The following ADAMTSL3 variants were observed in gnomAD, a reference collection of about 807,000 sequenced individuals.
ADAMTSL3 encodes ADAMTS like 3.
ADAMTSL3 carries 128 observed loss-of-function variants against 201.7 expected under a neutral mutation model. The ratio of observed to expected loss-of-function variants is 0.63; its 90% CI spans 0.55 to 0.73. The LOEUF (loss-of-function observed/expected upper bound fraction) is 0.73. Among genes scored for constraint, ADAMTSL3 ranks in the 30% least tolerant of loss-of-function variants. The pLI is 0.00. For missense variants in ADAMTSL3, 1,990 were observed against 2,119.6 expected (o/e 0.94, Z 1.20); for synonymous variants, 738 against 748.4 (o/e 0.99, Z 0.23).
At chr15:83,754,408 G>A (rs1336641688) in intron 3 of ADAMTSL3, among the ~76,000 whole-genome samples, 1 of 152,064 alleles carries the variant, frequency 6.6e-6, no homozygotes, top group African/African-American at 2.4e-5. Context: ...ACCGGAGAGA[G>A]CTGAATTTGG....
In ADAMTSL3 at chr15:84,037,893, A is replaced by G; in HGVS notation, c.*87A>G. On this transcript the variant is annotated 3_prime_UTR_variant, in exon 30 of 30. Transcript: ENST00000286744. ...CCATGTCGCTGATTCAAAAACATGT[A>G]TTTCTTAAAAGACTAGATTCTATGG... 1 of 1,493,280 alleles carries G rather than the reference A, an allele frequency of 6.7e-7. No homozygotes were observed. Among genetic ancestry groups the G allele is most frequent in the Admixed American group, 2.6e-5 (1 of 38,926 alleles). 92.5% of individuals were successfully genotyped at this position (1,493,280 alleles called of 1,614,324 possible).
intron 2 of ADAMTSL3, among the ~76,000 whole-genome samples, chr15:83,667,156 A>G (rs2061258357): frequency 6.6e-6 from 1 of 152,118 alleles, no homozygotes; most frequent in African/African-American, 2.4e-5. Flanking sequence ...ATTATCACCT[A>G]GTCTTATATT....
At chr15:83,819,757 T>C (rs2063829054) in intron 5 of ADAMTSL3, 54 bp from the exon 6 acceptor site, 2 of 1,414,560 alleles carry the variant, frequency 1.4e-6, no homozygotes, top group South Asian at 1.2e-5. Context: ...TTTCATCTTC[T>C]CTTGGCCTCT....
chr15:83,837,220 A>G (rs1311722242), intron 6 of ADAMTSL3, among the ~76,000 whole-genome samples: 1 of 152,006 alleles, frequency 6.6e-6, no homozygotes, highest in Non-Finnish European at 1.5e-5. Context: ...GTGGAGATAC[A>G]TAGGCATAGG....
At chr15:83,679,170 G>A (rs897275625) in intron 2 of ADAMTSL3, among the ~76,000 whole-genome samples, 1 of 151,800 alleles carries the variant, frequency 6.6e-6, no homozygotes, top group African/African-American at 2.4e-5. Context: ...TTTCAGTTCT[G>A]TAATTTCTAT....
chr15:83,654,973 G>A lies in ADAMTSL3; in HGVS notation c.-34+697G>A, dbSNP rs59144084. ...GGACACCAGCTCCGCCAAGGCGCCC[G>A]CGAGGCGAAGCGGGAGTCGAGTGTG... On this transcript the variant is annotated intron_variant, in intron 1 of 29. Transcript: ENST00000286744. This position sits in a 1 kb window ranked among gnomAD's most constrained non-coding sequence, Gnocchi z 5.3. Among the ~76,000 whole-genome samples, 13 of 151,624 alleles carry A rather than the reference G, an allele frequency of 8.6e-5. No homozygotes were observed. The highest frequency in any genetic ancestry group is 2.6e-4 in the African/African-American group (11 of 41,524).
chr15:83,818,064 GA>G (rs899132046), intron 5 of ADAMTSL3, among the ~76,000 whole-genome samples: 6 of 151,318 alleles, frequency 4.0e-5, no homozygotes, highest in Admixed American at 6.6e-5. Context: ...CTTCTGATTG[GA>G]AAAAAAACTA....
At chr15:83,678,581 G>A (rs1315999553) in intron 2 of ADAMTSL3, among the ~76,000 whole-genome samples, 1 of 150,970 alleles carries the variant, frequency 6.6e-6, no homozygotes, top group Admixed American at 6.6e-5. Flanking sequence ...CCTTAGATTT[G>A]AAATGTTTAA....
At chr15:84,031,790 C>T (rs1356384036) in intron 28 of ADAMTSL3, among the ~76,000 whole-genome samples, 3 of 152,150 alleles carry the variant, frequency 2.0e-5, no homozygotes, top group Non-Finnish European at 4.4e-5. Flanking sequence ...CTTCTTAATG[C>T]TTTTAATGAA....
At chr15:83,880,539 C>T (rs138889930) in intron 9 of ADAMTSL3, among the ~76,000 whole-genome samples, 3 of 152,288 alleles carry the variant, frequency 2.0e-5, no homozygotes, top group Admixed American at 1.3e-4. Context: ...AAATACTTGC[C>T]AAAGTCTATT....
chr15:83,763,178 A>G lies in ADAMTSL3; in HGVS notation c.190-10345A>G, dbSNP rs144001116. On this transcript the variant is annotated intron_variant, in intron 3 of 29. Coordinates refer to ENST00000286744, the MANE Select transcript of ADAMTSL3 (RefSeq NM_207517.3). Reference sequence around the variant, plus strand: ...AGTGTTGGGATTACAGGCATGAGCCACCACACCTGGACTTGATTTACTTTC... The same window carrying G: ...AGTGTTGGGATTACAGGCATGAGCCGCCACACCTGGACTTGATTTACTTTC... 7.2e-5 allele frequency among the ~76,000 whole-genome samples: 11 copies of G among 152,308 alleles called. No individual in the cohort carries two copies. The East Asian group carries it at 2.1e-3, about 29-fold the overall frequency.
intron 13 of ADAMTSL3, among the ~76,000 whole-genome samples, chr15:83,895,007 G>A (rs570339388): frequency 1.4e-4 from 22 of 152,176 alleles, no homozygotes; most frequent in African/African-American, 5.1e-4. Context: ...TGATTTTATT[G>A]TTAATTTTTT....
At chr15:83,999,113 C>G (rs78610610) in intron 23 of ADAMTSL3, among the ~76,000 whole-genome samples, 1 of 152,198 alleles carries the variant, frequency 6.6e-6, no homozygotes, top group East Asian at 1.9e-4. Flanking sequence ...GTCAAAGACA[C>G]AACCATTATT....
chr15:83,663,685 A>G (rs952583661), intron 2 of ADAMTSL3, among the ~76,000 whole-genome samples: 7 of 152,148 alleles, frequency 4.6e-5, no homozygotes, highest in African/African-American at 1.7e-4. Context: ...TTGTCCCCCA[A>G]GTGATTTTGG....
At chr15:83,831,768 C>G (rs1490521811) in intron 6 of ADAMTSL3, among the ~76,000 whole-genome samples, 1 of 152,180 alleles carries the variant, frequency 6.6e-6, no homozygotes, top group Non-Finnish European at 1.5e-5. Context: ...ACTTCAATTC[C>G]CCACAACTCT....
chr15:83,984,520 G>A (rs2067441318), intron 21 of ADAMTSL3, among the ~76,000 whole-genome samples: 1 of 152,174 alleles, frequency 6.6e-6, no homozygotes, highest in African/African-American at 2.4e-5. Context: ...GCAGTTCTCA[G>A]AGCTTTTGGT....
chr15:83,951,199 TCC>T (rs2066751472), intron 19 of ADAMTSL3, among the ~76,000 whole-genome samples: 1 of 127,440 alleles, frequency 7.8e-6, no homozygotes, highest in Admixed American at 8.8e-5. Flanking sequence ...TCTTCTATAC[TCC>T]TTTTTTTTAG....
chr15:83,731,132 G>C (rs1041673722), intron 3 of ADAMTSL3, among the ~76,000 whole-genome samples: 2 of 151,978 alleles, frequency 1.3e-5, no homozygotes, highest in African/African-American at 4.8e-5. Flanking sequence ...ATTGGTTTAT[G>C]TGTTTGTTTT....
intron 4 of ADAMTSL3, 124 bp downstream of exon 4, chr15:83,773,774 T>G: frequency 7.6e-7 from 1 of 1,308,632 alleles, no homozygotes; most frequent in Non-Finnish European, 1.0e-6. Flanking sequence ...GTTTGCTTTG[T>G]CTAAATATTA....
Sources: allele counts gnomAD v4.1 joint callset (sites outside exome capture counted in the v4.1 genomes callset), GRCh38; gene constraint gnomAD v4.1.1; non-coding constraint Gnocchi (gnomAD v3.1); transcripts MANE v1.5; gene names NCBI Gene and HGNC (gene_info 2026-07-23, HGNC 2026-07-21).